Variants in ZNF69 observed in about 807,000 individuals in gnomAD.
The protein encoded by ZNF69 is zinc finger protein 69.
Under a neutral mutation model 50.9 loss-of-function variants are expected in ZNF69, and 47 were observed. That is an observed-to-expected ratio of 0.92 (90% CI 0.73 to 1.18). The LOEUF (loss-of-function observed/expected upper bound fraction) is 1.18, where lower values mean the gene tolerates loss of function less well. Ranked by LOEUF, ZNF69 falls within the 50% of genes most tolerant of loss-of-function variation. ZNF69 has a pLI of 0.00. For missense variants in ZNF69, 717 were observed against 675.1 expected (o/e 1.06, Z -0.69); for synonymous variants, 216 against 223.1 (o/e 0.97, Z 0.29).
intron 1 of ZNF69, among the ~76,000 whole-genome samples, chr19:11,901,978 C>CTTTTTTTTT (rs58505422): frequency 1.7e-5 from 2 of 119,116 alleles, no homozygotes; most frequent in African/African-American, 6.7e-5. Context: ...ATGTTATTTT[C>CTTTTTTTTT]TTTTTTTTTT....
the ZNF69 span, chr19:11,948,428 G>A: frequency 6.2e-7 from 1 of 1,614,106 alleles, no homozygotes; most frequent in South Asian, 1.1e-5. Context: ...GCAGAAGTTG[G>A]CATAGGTAAC....
At chr19:11,948,769 C>A in the ZNF69 span, 1 of 1,611,362 alleles carries the variant, frequency 6.2e-7, no homozygotes, top group East Asian at 2.2e-5. Context: ...TGGAGAGAAA[C>A]CATATGAATG....
Position 11,887,835 on chromosome 19 carries a change from G to T in ZNF69, c.-89G>T. On this transcript the variant is annotated 5_prime_UTR_variant, in exon 1 of 4. Transcript: ENST00000429654. Reference sequence around the variant, plus strand: ...CATTCCTTACCTCACCTTTGTCCCTGCGCGGGCTGCGGCTGGGATCCGGTC... The same window carrying T: ...CATTCCTTACCTCACCTTTGTCCCTTCGCGGGCTGCGGCTGGGATCCGGTC... 2.4e-6 allele frequency: 3 copies of T among 1,234,838 alleles called. No homozygotes were observed. In the South Asian group the frequency reaches 3.7e-5, roughly 15 times the overall value. 76.5% of individuals were successfully genotyped at this position (1,234,838 alleles called of 1,614,324 possible).
intron 1 of ZNF69, among the ~76,000 whole-genome samples, chr19:11,889,634 C>T (rs1023685071): frequency 1.4e-4 from 22 of 152,316 alleles, no homozygotes; most frequent in African/African-American, 5.3e-4. Context: ...GGGCCTGCCC[C>T]TCCACCCCTG....
At chr19:11,932,757 C>A in the ZNF69 span, among the ~76,000 whole-genome samples, 1 of 146,376 alleles carries the variant, frequency 6.8e-6, no homozygotes, top group African/African-American at 2.7e-5. Context: ...CCTGTCTCAG[C>A]CTCCCAAGTA....
intron 1 of ZNF69, 30 bp downstream of exon 1, chr19:11,888,016 CG>C: frequency 6.4e-7 from 1 of 1,566,574 alleles, no homozygotes; most frequent in Non-Finnish European, 8.7e-7. Context: ...TGTCGTGAGA[CG>C]GGGGAGGGGC....
chr19:11,903,279 C>G (rs1018277058), intron 1 of ZNF69, among the ~76,000 whole-genome samples: 1 of 152,116 alleles, frequency 6.6e-6, no homozygotes, highest in Non-Finnish European at 1.5e-5. Context: ...CAACATTAAC[C>G]AGGCATGGTG....
the ZNF69 span, among the ~76,000 whole-genome samples, chr19:11,944,137 G>A: frequency 2.4e-3 from 368 of 152,268 alleles, 4 homozygotes; most frequent in African/African-American, 8.1e-3. Context: ...CTAATGGGGC[G>A]TTTCTCGTTT....
chr19:11,979,055 A>G, the ZNF69 span: 1 of 1,614,142 alleles, frequency 6.2e-7, no homozygotes, highest in Non-Finnish European at 8.5e-7. Flanking sequence ...GGAAAGCATT[A>G]TCTTATAAGT....
At chr19:11,911,023 G>C (rs553260763), downstream of ZNF69, among the ~76,000 whole-genome samples, 4 of 152,222 alleles carry the variant, frequency 2.6e-5, no homozygotes, top group South Asian at 8.3e-4. Flanking sequence ...GATATGAACA[G>C]ACATTTCTCA....
chr19:11,894,901 C>T (rs1977186988), intron 1 of ZNF69, among the ~76,000 whole-genome samples: 1 of 152,108 alleles, frequency 6.6e-6, no homozygotes, highest in South Asian at 2.1e-4. Flanking sequence ...ACAAGGAAAG[C>T]CCACCCCAAC....
At chr19:11,893,311 T>G (rs995070318) in intron 1 of ZNF69, among the ~76,000 whole-genome samples, 5 of 152,202 alleles carry the variant, frequency 3.3e-5, no homozygotes, top group Admixed American at 2.6e-4. Context: ...GTCTCATTGT[T>G]TTTTATTTAA....
At chr19:11,949,946 C>T in the ZNF69 span, 1 of 1,614,086 alleles carries the variant, frequency 6.2e-7, no homozygotes, top group Non-Finnish European at 8.5e-7. Flanking sequence ...CATGAAAGGA[C>T]TCACACTGGA....
At chr19:11,938,223 C>A in the ZNF69 span, among the ~76,000 whole-genome samples, 1 of 152,078 alleles carries the variant, frequency 6.6e-6, no homozygotes, top group Admixed American at 6.6e-5. Context: ...TACACACCAC[C>A]ACACCTGGCT....
chr19:11,955,869 T>C, the ZNF69 span, among the ~76,000 whole-genome samples: 2 of 152,250 alleles, frequency 1.3e-5, no homozygotes, highest in East Asian at 3.9e-4. Flanking sequence ...TCACATATGG[T>C]TAATGTGTAG....
At chr19:11,891,395 G>T (rs1599342500) in intron 1 of ZNF69, among the ~76,000 whole-genome samples, 1 of 147,268 alleles carries the variant, frequency 6.8e-6, no homozygotes, top group Admixed American at 6.8e-5. Flanking sequence ...AAAAAGAAAA[G>T]AAAGAAAGGA....
chr19:11,891,330 C>T (rs929681363), intron 1 of ZNF69, among the ~76,000 whole-genome samples: 4 of 144,030 alleles, frequency 2.8e-5, no homozygotes, highest in African/African-American at 1.0e-4. Flanking sequence ...GGGAGGCAAG[C>T]GTTCAAGACC....
chr19:11,905,146 G>A lies in ZNF69; in HGVS notation c.749G>A (p.Cys250Tyr), dbSNP rs1157817906. 5.6e-6 allele frequency: 9 copies of A among 1,614,156 alleles called. No homozygotes were observed. Among genetic ancestry groups the A allele is most frequent in the Non-Finnish European group, 7.6e-6 (9 of 1,180,022 alleles). ...CACACTGGAGAGAAACCATATGAAT[G>A]TAAACAATGTGGTAAATCCTTTAGT... ...RIHTGEKPYE[C>Y]KQCGKSFSYS... is the part of the protein sequence containing the mutation. The change falls in exon 4 of 4, where the codon TGT (cysteine) becomes TAT (tyrosine). Residue 250 changes from cysteine to tyrosine, a missense_variant. By Grantham distance (194) the Cys-to-Tyr change is radical (BLOSUM62 -2). Coordinates refer to ENST00000429654, the MANE Select transcript of ZNF69 (RefSeq NM_001364730.1).
chr19:11,967,788 G>A, the ZNF69 span, among the ~76,000 whole-genome samples: 1 of 152,220 alleles, frequency 6.6e-6, no homozygotes, highest in East Asian at 1.9e-4. Flanking sequence ...AGCAAGTGGA[G>A]GAACATACTG....
Sources: gnomAD v4.1 joint callset for allele counts (sites outside exome capture counted in the v4.1 genomes callset) on GRCh38, gnomAD v4.1.1 for gene constraint, MANE v1.5 for transcripts, NCBI Gene and HGNC (gene_info 2026-07-23, HGNC 2026-07-21) for gene names.